DMD: variants seen among roughly 807,000 people sequenced by gnomAD.
The protein encoded by DMD is dystrophin.
In DMD, 63 loss-of-function variants were observed where a neutral mutation model predicts 330.1. The ratio of observed to expected loss-of-function variants is 0.19; its 90% CI spans 0.16 to 0.24. The LOEUF (loss-of-function observed/expected upper bound fraction) is 0.24, where lower values mean the gene tolerates loss of function less well. Among genes scored for constraint, DMD ranks in the 10% least tolerant of loss-of-function variants. The pLI is 1.00. For synonymous variants in DMD, 1,223 were observed against 959.8 expected (o/e 1.27, Z -5.07); for missense variants, 3,344 against 2,684.1 (o/e 1.25, Z -5.43).
chrX:32,368,682 CT>C (rs1350889259), intron 34 of DMD, among the ~76,000 whole-genome samples: 1 of 111,126 alleles, frequency 9.0e-6, no homozygotes, highest in Non-Finnish European at 1.9e-5. Flanking sequence ...AAGGGAGCTC[CT>C]TATTTATAGG....
At chrX:32,816,766 A>G in intron 5 of DMD, 126 bp from the exon 6 acceptor site, 1 of 619,428 alleles carries the variant, frequency 1.6e-6, no homozygotes, top group African/African-American at 2.2e-5. Context: ...GTAATGAGAC[A>G]TAATAGATTC....
At chrX:31,316,131 C>G (rs2055989613) in intron 62 of DMD, among the ~76,000 whole-genome samples, 1 of 111,893 alleles carries the variant, frequency 8.9e-6, no homozygotes, top group Non-Finnish European at 1.9e-5. Flanking sequence ...ATTCATACAT[C>G]CATGCCAAGG....
chrX:32,946,098 CT>C (rs1266431958), intron 2 of DMD, among the ~76,000 whole-genome samples: 1 of 111,431 alleles, frequency 9.0e-6, no homozygotes, highest in Non-Finnish European at 1.9e-5. Flanking sequence ...GAAAGCATTT[CT>C]CAATATAGTA....
chrX:32,464,493 G>A (rs772258479), intron 24 of DMD, 93 bp downstream of exon 24: 3 of 685,995 alleles, frequency 4.4e-6, no homozygotes, highest in Non-Finnish European at 2.3e-6. Context: ...GGGGAGAGGA[G>A]AGCAAAATCC....
chrX:33,211,662 C>T, upstream of DMD: 1 of 646,230 alleles, frequency 1.5e-6, no homozygotes, highest in Non-Finnish European at 2.0e-6. Flanking sequence ...TCCATGGTCA[C>T]TACATATAAG....
At chrX:32,642,988 G>T (rs1336228344) in intron 11 of DMD, among the ~76,000 whole-genome samples, 3 of 111,366 alleles carry the variant, frequency 2.7e-5, no homozygotes, top group Non-Finnish European at 5.7e-5. Flanking sequence ...ACCACAGAAG[G>T]CAGCTTATAT....
intron 1 of DMD, among the ~76,000 whole-genome samples, chrX:33,235,734 C>T (rs1049787365): frequency 9.1e-6 from 1 of 109,464 alleles, no homozygotes; most frequent in Admixed American, 9.8e-5. Flanking sequence ...TCCCAGATAG[C>T]CTGATCCAAG....
intron 60 of DMD, among the ~76,000 whole-genome samples, chrX:31,372,068 CT>C (rs1270930475): frequency 9.0e-6 from 1 of 111,614 alleles, no homozygotes; most frequent in Non-Finnish European, 1.9e-5. Flanking sequence ...TATATTAGCT[CT>C]GAGCTTAATG....
intron 7 of DMD, among the ~76,000 whole-genome samples, chrX:32,745,798 A>G (rs1252202589): frequency 8.9e-6 from 1 of 112,424 alleles, no homozygotes; most frequent in Admixed American, 9.4e-5. Flanking sequence ...CACTATGATC[A>G]CGATTTGTAT....
In DMD at chrX:31,273,674, C is replaced by CT. The variant is rs1263403473; in HGVS notation, c.9225-12659dup. ...TACAGATGAAGACACCAGCGTTTTT[C>CT]TTTTTTTTTTTCCTGAGATGAATAT... On this transcript the variant is annotated intron_variant, in intron 62 of 78. Coordinates refer to ENST00000357033, the MANE Select transcript of DMD (RefSeq NM_004006.3). 3.9e-3 allele frequency among the ~76,000 whole-genome samples: 406 copies of CT among 104,876 alleles called. 3 individuals are homozygous for CT. The highest frequency in any genetic ancestry group is 9.4e-3 in the African/African-American group (274 of 29,234). 91.1% of individuals were successfully genotyped at this position (104,876 alleles called of 115,157 possible). A position where few individuals can be genotyped will look rare whatever the true frequency, so the allele number is the denominator to read the frequency against.
intron 44 of DMD, among the ~76,000 whole-genome samples, chrX:32,004,746 T>G (rs762801805): frequency 9.0e-4 from 100 of 111,449 alleles, no homozygotes; most frequent in Non-Finnish European, 1.8e-3. Flanking sequence ...GCCAAACAGA[T>G]GCAGTATGTT....
intron 7 of DMD, among the ~76,000 whole-genome samples, chrX:32,807,730 T>A (rs997391364): frequency 9.0e-6 from 1 of 111,727 alleles, no homozygotes; most frequent in East Asian, 2.8e-4. Flanking sequence ...TAGGTGTATA[T>A]ATTTACCTAT....
chrX:32,518,168 T>G, intron 17 of DMD, 37 bp from the exon 18 acceptor site: 1 of 1,176,408 alleles, frequency 8.5e-7, no homozygotes, highest in Non-Finnish European at 1.2e-6. Context: ...TATTTCTTGA[T>G]TATCTCTTTC....
chrX:32,503,189 C>G (rs954922373), intron 18 of DMD, among the ~76,000 whole-genome samples: 4 of 110,899 alleles, frequency 3.6e-5, no homozygotes, highest in Non-Finnish European at 7.6e-5. Context: ...TGAGATCAGC[C>G]TAGGCAAAAT....
At chrX:31,543,390 C>T (rs374579734) in intron 55 of DMD, among the ~76,000 whole-genome samples, 67 of 110,461 alleles carry the variant, frequency 6.1e-4, no homozygotes, top group African/African-American at 2.2e-3. Context: ...AGGATGGTCT[C>T]GAGCTCCTGA....
intron 1 of DMD, among the ~76,000 whole-genome samples, chrX:33,131,191 G>A (rs2095497186): frequency 1.8e-5 from 2 of 110,534 alleles, no homozygotes; most frequent in African/African-American, 6.6e-5. Flanking sequence ...TGGGGCTGCT[G>A]CGGCTGCTGC....
In DMD at chrX:31,507,374, A is replaced by T; in HGVS notation, c.8297T>A (p.Leu2766Gln). 8.3e-7 allele frequency: 1 copy of T among 1,211,298 alleles called. No homozygotes were observed. The highest frequency in any genetic ancestry group is 1.1e-6 in the Non-Finnish European group (1 of 895,118). ...CAGGACTGCATCATCGGAACCTTCCAGGGATCTCAGGATTTTTTGGCTGTT... is the reference window on the plus strand; with the variant it reads ...CAGGACTGCATCATCGGAACCTTCCTGGGATCTCAGGATTTTTTGGCTGTT... ...DENSQKILRS[L>Q]EGSDDAVLLQ... Residue 2766 changes from leucine to glutamine, a missense_variant, in exon 56 of 79, where the codon CTG becomes CAG. Leu to Gln is a moderately radical substitution (Grantham distance 113). Coordinates refer to ENST00000357033, the MANE Select transcript of DMD (RefSeq NM_004006.3).
intron 47 of DMD, among the ~76,000 whole-genome samples, chrX:31,914,415 C>T (rs761429000): frequency 2.1e-4 from 24 of 112,000 alleles, no homozygotes; most frequent in Non-Finnish European, 4.3e-4. Context: ...AGTATATTGA[C>T]GAAATATCTG....
intron 18 of DMD, among the ~76,000 whole-genome samples, chrX:32,507,759 A>C (rs931077940): frequency 2.7e-5 from 3 of 111,940 alleles, no homozygotes; most frequent in African/African-American, 9.7e-5. Flanking sequence ...GTTTATGTAC[A>C]TAATTTCCAT....
Sources: allele counts gnomAD v4.1 joint callset (sites outside exome capture counted in the v4.1 genomes callset), GRCh38; gene constraint gnomAD v4.1.1; transcripts MANE v1.5; gene names NCBI Gene and HGNC (gene_info 2026-07-23, HGNC 2026-07-21).